Variants in SORBS2 observed in about 807,000 individuals in gnomAD.
SORBS2 encodes the protein sorbin and SH3 domain containing 2.
SORBS2 carries 46 observed loss-of-function variants against 97.7 expected under a neutral mutation model. The observed-to-expected ratio is 0.47, with a 90% CI of 0.37 to 0.60. SORBS2 has a LOEUF of 0.60. Among genes scored for constraint, SORBS2 ranks in the 20% least tolerant of loss-of-function variants. The probability of loss-of-function intolerance (pLI) is 0.00; values close to 1 mark genes in which losing one functional copy is unlikely to be tolerated. For synonymous variants in SORBS2, 476 were observed against 473.4 expected (o/e 1.01, Z -0.07); for missense variants, 1,316 against 1,282.3 (o/e 1.03, Z -0.40).
exon 15 of SORBS2, chr4:185,587,278 C>T (rs1451480754): frequency 1.4e-5 from 3 of 215,608 alleles, no homozygotes; most frequent in Admixed American, 5.7e-5. Context: ...AATGGAGCCA[C>T]GAGGCTGGAC....
chr4:185,657,460 G>T, upstream of SORBS2: 1 of 1,559,086 alleles, frequency 6.4e-7, no homozygotes, highest in Middle Eastern at 1.7e-4. Flanking sequence ...ATTCATCCAC[G>T]GGCCCGATCC....
At chr4:185,937,355 G>T (rs756559121) in intron 1 of SORBS2, among the ~76,000 whole-genome samples, 21 of 152,190 alleles carry the variant, frequency 1.4e-4, no homozygotes, top group Non-Finnish European at 2.6e-4. Flanking sequence ...AGTGAGATAG[G>T]TTCAATTTTT....
chr4:185,715,994 ACAGT>A (rs1209445111), intron 2 of SORBS2, among the ~76,000 whole-genome samples: 1 of 152,260 alleles, frequency 6.6e-6, no homozygotes, highest in Non-Finnish European at 1.5e-5. Context: ...GGCAAGCCAC[ACAGT>A]CAGAGACCTA....
At chr4:185,614,946 G>T (rs201019636) in exon 11 of SORBS2, 1 of 1,614,144 alleles carries the variant, frequency 6.2e-7, no homozygotes, top group Non-Finnish European at 8.5e-7. Flanking sequence ...TGCTTTCTCA[G>T]GAGGTGTGAG....
At chr4:185,796,051 C>A (rs1000481363) in intron 1 of SORBS2, among the ~76,000 whole-genome samples, 3 of 152,148 alleles carry the variant, frequency 2.0e-5, no homozygotes, top group African/African-American at 7.2e-5. Context: ...TACTGTCCTC[C>A]TACAGGAAAT....
At chr4:185,654,505 C>T (rs867068581) in intron 1 of SORBS2, among the ~76,000 whole-genome samples, 79 of 152,060 alleles carry the variant, frequency 5.2e-4, no homozygotes, top group African/African-American at 1.9e-3. Flanking sequence ...GCTGGAGGGC[C>T]TATATCAGGT....
At chr4:185,854,522 T>C (rs1350467747) in intron 1 of SORBS2, among the ~76,000 whole-genome samples, 4 of 152,210 alleles carry the variant, frequency 2.6e-5, no homozygotes, top group Non-Finnish European at 5.9e-5. Flanking sequence ...TTGAATACTG[T>C]TTTCTTTCAG....
At chr4:185,896,914 T>TGTCAGTGATTGGTTGTATTACAAAGCAC (rs2099245330) in intron 1 of SORBS2, among the ~76,000 whole-genome samples, 10 of 147,298 alleles carry the variant, frequency 6.8e-5, no homozygotes, top group African/African-American at 2.2e-4. Flanking sequence ...AAAAAGCACA[T>TGTCAGTGATTGGTTGTATTACAAAGCAC]GTCAGTGATT....
chr4:185,606,017 G>A lies in SORBS2; in HGVS notation c.2796+5763C>T, dbSNP rs774457177. 157 of 828,830 alleles carry A rather than the reference G, an allele frequency of 1.9e-4. No homozygotes were observed. The highest frequency in any genetic ancestry group is 2.1e-4 in the Non-Finnish European group (144 of 687,518). The allele number at this position is 828,830 out of a possible 1,614,324, so 51.3% of individuals were successfully genotyped here. ...AATGTGAAGTCAACACAAAGAGAAC[G>A]ACCTCTTTAGAAAATCGAAAGGGGA... is the stretch of plus-strand genomic sequence containing the variant. On this transcript the variant is annotated intron_variant, in intron 12 of 14. Transcript: ENST00000418609. The surrounding 1 kb of genome is among the most constrained non-coding windows in gnomAD (Gnocchi z 4.3).
intron 1 of SORBS2, among the ~76,000 whole-genome samples, chr4:185,788,853 C>G (rs2099068024): frequency 1.3e-5 from 2 of 152,202 alleles, no homozygotes; most frequent in African/African-American, 4.8e-5. Flanking sequence ...TTTCGTGTTA[C>G]AGATTAAGAT....
intron 1 of SORBS2, among the ~76,000 whole-genome samples, chr4:185,815,776 G>T (rs1488784403): frequency 6.6e-6 from 1 of 152,042 alleles, no homozygotes; most frequent in Non-Finnish European, 1.5e-5. Flanking sequence ...TCTATGGAAG[G>T]CAAACACAAA....
At chr4:185,814,116 T>C (rs903437596) in intron 1 of SORBS2, among the ~76,000 whole-genome samples, 4 of 152,150 alleles carry the variant, frequency 2.6e-5, no homozygotes, top group African/African-American at 9.7e-5. Context: ...TTTGACAAAA[T>C]GCTGGCATGT....
intron 2 of SORBS2, among the ~76,000 whole-genome samples, chr4:185,737,945 C>T (rs1305755245): frequency 6.6e-6 from 1 of 152,204 alleles, no homozygotes; most frequent in African/African-American, 2.4e-5. Flanking sequence ...GTGTGGGCCA[C>T]GCTCAGGTGT....
chr4:185,611,194 T>C (rs1361148621), intron 12 of SORBS2, among the ~76,000 whole-genome samples: 4 of 152,124 alleles, frequency 2.6e-5, no homozygotes, highest in Admixed American at 6.5e-5. Flanking sequence ...TCTTGACTTA[T>C]AGACTCTAAT....
At chr4:185,814,000 C>T (rs1585236278) in intron 1 of SORBS2, among the ~76,000 whole-genome samples, 1 of 152,150 alleles carries the variant, frequency 6.6e-6, no homozygotes, top group Non-Finnish European at 1.5e-5. Flanking sequence ...ACCTACGACA[C>T]TGTATGAATA....
intron 4 of SORBS2, chr4:185,677,650 A>G (rs1288928840): frequency 2.7e-6 from 4 of 1,486,346 alleles, no homozygotes; most frequent in East Asian, 2.5e-5. Context: ...TGGATTGACA[A>G]TGGGATCCAG....
At chr4:185,762,871 AT>A (rs770642691) in intron 2 of SORBS2, among the ~76,000 whole-genome samples, 2 of 152,190 alleles carry the variant, frequency 1.3e-5, no homozygotes, top group Non-Finnish European at 2.9e-5. Flanking sequence ...CATATTCAGT[AT>A]TTTTAGTTAA....
At chr4:185,924,494 C>T (rs1313191453) in intron 1 of SORBS2, among the ~76,000 whole-genome samples, 2 of 152,224 alleles carry the variant, frequency 1.3e-5, no homozygotes, top group African/African-American at 2.4e-5. Context: ...CAAATGTACG[C>T]CATTAGAAAC....
chr4:185,905,423 A>G (rs978964912), intron 1 of SORBS2, among the ~76,000 whole-genome samples: 5 of 152,228 alleles, frequency 3.3e-5, no homozygotes, highest in Non-Finnish European at 5.9e-5. Context: ...ATTTTTATAC[A>G]GAGGTCTACT....
Sources: allele counts gnomAD v4.1 joint callset (sites outside exome capture counted in the v4.1 genomes callset), GRCh38; gene constraint gnomAD v4.1.1; non-coding constraint Gnocchi (gnomAD v3.1); transcripts MANE v1.5; gene names NCBI Gene and HGNC (gene_info 2026-07-23, HGNC 2026-07-21).